NKPD1: variants seen among roughly 807,000 people sequenced by gnomAD.
NKPD1 encodes NTPase KAP family P-loop domain-containing protein 1.
NKPD1 carries 37 observed loss-of-function variants against 42.2 expected under a neutral mutation model. The ratio of observed to expected loss-of-function variants is 0.88; its 90% CI spans 0.67 to 1.15. The LOEUF is 1.15. NKPD1 is among the 50% of genes most tolerant of loss of function. NKPD1 has a pLI of 0.00. For missense variants in NKPD1, 1,113 were observed against 1,174.6 expected (o/e 0.95, Z 0.77); for synonymous variants, 552 against 536.5 (o/e 1.03, Z -0.40).
chr19:45,151,989 C>T lies in NKPD1; in HGVS notation c.2448G>A (p.Pro816=), dbSNP rs1282618589. ...GDLAHRGKLW[P]VACALFRPGQ... ...CTGGACGGAAGAGCGCACAGGCCAC[C>T]GGCCATAGCTTGCCCCTGTGGGCCA... Residue 816 remains proline, a synonymous_variant, in exon 5 of 5, where the codon CCG becomes CCA. Transcript: ENST00000686631. 13 of 1,605,912 alleles carry T rather than the reference C, an allele frequency of 8.1e-6. No individual in the cohort carries two copies. Among genetic ancestry groups the T allele is most frequent in the South Asian group, 5.5e-5 (5 of 90,618 alleles).
At chr19:45,161,053 T>C (rs1037946620), upstream of NKPD1, among the ~76,000 whole-genome samples, 12 of 152,118 alleles carry the variant, frequency 7.9e-5, no homozygotes, top group Non-Finnish European at 1.6e-4. Context: ...TGCCTGCCTG[T>C]CCCCGCCCCT....
At position 45,152,619 on chromosome 19, in the gene NKPD1, G is replaced by T; in HGVS notation, c.1818C>A (p.Asp606Glu). The T allele has an allele frequency of 6.3e-7, 1 of 1,576,020 alleles. No individual in the cohort carries two copies. The highest frequency in any genetic ancestry group is 8.5e-7 in the Non-Finnish European group (1 of 1,171,096). The part of the protein sequence containing the change: ...RIQEALFCLH[D>E]ERDCLYEYVP... ...CGTACTCGTAGAGGCAGTCGCGCTC[G>T]TCGTGAAGGCAGAAGAGCGCCTCCT... Residue 606 changes from aspartate (D) to glutamate (E), a missense_variant, in exon 5 of 5, where the codon GAC becomes GAA. By Grantham distance (45) the Asp-to-Glu change is conservative. Transcript: ENST00000686631.
chr19:45,159,358 G>A (rs1248855279), intron 2 of NKPD1, among the ~76,000 whole-genome samples: 1 of 152,204 alleles, frequency 6.6e-6, no homozygotes, highest in East Asian at 1.9e-4. Context: ...GACGCCTGAG[G>A]TTGGGGCTTC....
In NKPD1 at chr19:45,152,901, G is replaced by C. The variant is rs766631003; in HGVS notation, c.1536C>G (p.Ala512=). 75 of 1,581,714 alleles carry C rather than the reference G, an allele frequency of 4.7e-5. No homozygotes were observed. The highest frequency in any genetic ancestry group is 5.4e-5 in the African/African-American group (4 of 74,244). The change falls in exon 5 of 5, where the codon GCC becomes GCG. Residue 512 remains alanine, a synonymous_variant. Transcript: ENST00000686631. ...LESAGNMKGT[A]DNGYLFLNRT... Reference sequence around the variant, plus strand: ...GGTTGAGGAAGAGGTAGCCGTTATCGGCCGTGCCCTTCATGTTGCCCGCGC... The same window carrying C: ...GGTTGAGGAAGAGGTAGCCGTTATCCGCCGTGCCCTTCATGTTGCCCGCGC...
chr19:45,150,319 A>C lies in NKPD1; in HGVS notation c.*1619T>G, dbSNP rs1968755180. ...GTTGGCCAGGCTGATGCAGCTTCTT[A>C]CTGAGGCATGGGGGGCTTCAGTCCT... is the stretch of plus-strand genomic sequence containing the variant. On this transcript the variant is annotated 3_prime_UTR_variant, in exon 5 of 5. Coordinates refer to ENST00000686631, the MANE Select transcript of NKPD1 (RefSeq NM_198478.4). The C allele has an allele frequency of 6.6e-6, 1 of 152,012 alleles. No individual in the cohort carries two copies. 9.4% of individuals were successfully genotyped at this position (152,012 alleles called of 1,614,324 possible).
At chr19:45,156,062 CTG>C (rs1284242285) in intron 3 of NKPD1, 146 bp from the exon 4 acceptor site, 1 of 715,984 alleles carries the variant, frequency 1.4e-6, no homozygotes, top group Non-Finnish European at 2.0e-6. Flanking sequence ...GTGGAGGTTT[CTG>C]TGGCCATCAG....
Position 45,149,791 on chromosome 19 carries a change from G to C in NKPD1, c.*2147C>G, listed in dbSNP as rs1968748776. On this transcript the variant is annotated 3_prime_UTR_variant, in exon 5 of 5. Transcript: ENST00000686631. ...GTTTATTGTCACATGTGGATGTTCA[G>C]AGTGGCAGGCAGCTCTTCACCAAGT... is the stretch of plus-strand genomic sequence containing the variant. 1 of 152,200 alleles carries C rather than the reference G, an allele frequency of 6.6e-6. No individual in the cohort carries two copies. The highest frequency in any genetic ancestry group is 2.4e-5 in the African/African-American group (1 of 41,448). The allele number at this position is 152,200 out of a possible 1,614,324, so 9.4% of individuals were successfully genotyped here. A position where few individuals can be genotyped will look rare whatever the true frequency, so the allele number is the denominator to read the frequency against.
chr19:45,157,869 C>T (rs973481610), intron 3 of NKPD1, among the ~76,000 whole-genome samples: 4 of 151,906 alleles, frequency 2.6e-5, no homozygotes, highest in African/African-American at 7.3e-5. Flanking sequence ...GGATTACACG[C>T]GCCAGCCACC....
At position 45,152,274 on chromosome 19, in the gene NKPD1, G is replaced by C; in HGVS notation, c.2163C>G (p.Phe721Leu). Residue 721 changes from phenylalanine to leucine, a missense_variant, in exon 5 of 5, where the codon TTC (phenylalanine) becomes TTG (leucine). Physicochemically the swap from Phe to Leu is conservative, Grantham distance 22. This residue lies in a region of NKPD1 where 867 missense variants were observed against 870.1 expected (regional missense o/e 1.00). Coordinates refer to ENST00000686631, the MANE Select transcript of NKPD1 (RefSeq NM_198478.4). ...GGAAGTCGGCGCCCAGGAAGCGCTCGAAGAGCTCGGGGTCGCCGTCCAGGT... is the reference window on the plus strand; with the variant it reads ...GGAAGTCGGCGCCCAGGAAGCGCTCCAAGAGCTCGGGGTCGCCGTCCAGGT... ...VLDLDGDPELFERFLGADFPF... is the reference protein window; with the variant it reads ...VLDLDGDPELLERFLGADFPF... The C allele has an allele frequency of 6.2e-7, 1 of 1,610,232 alleles. No homozygotes were observed. Among genetic ancestry groups the C allele is most frequent in the South Asian group, 1.1e-5 (1 of 90,602 alleles).
rs1440140161 is a variant in NKPD1 at position 45,160,120 on chromosome 19, T to C, written c.31A>G (p.Lys11Glu). The C allele has an allele frequency of 7.7e-7, 1 of 1,305,090 alleles. No individual in the cohort carries two copies. The highest frequency in any genetic ancestry group is 1.2e-5 in the South Asian group (1 of 80,974). 80.8% of individuals were successfully genotyped at this position (1,305,090 alleles called of 1,614,324 possible). Residue 11 changes from lysine (K) to glutamate (E), a missense_variant, in exon 2 of 5, where the codon AAG becomes GAG. Transcript: ENST00000686631. MHKHYKVHFA[K>E]DAQSPNGHYF... ...TGCCCGTTGGGGCTCTGGGCATCCT[T>C]GGCGAAGTGGACTTTGTAATGTTTG...
In NKPD1 at chr19:45,155,928, G is replaced by C. The variant is rs770383290; in HGVS notation, c.530-12C>G. On this transcript the variant is annotated splice_polypyrimidine_tract_variant and intron_variant, in intron 3 of 4. Coordinates refer to ENST00000686631, the MANE Select transcript of NKPD1 (RefSeq NM_198478.4). ...CTCTGTCAGGATGTCTGGTGGTTGG[G>C]AGTGGGGACACTGAGTCAGGACCAC... 7 of 1,303,214 alleles carry C rather than the reference G, an allele frequency of 5.4e-6. No homozygotes were observed. Among genetic ancestry groups the C allele is most frequent in the Non-Finnish European group, 6.1e-6 (6 of 987,258 alleles). The allele number at this position is 1,303,214 out of a possible 1,614,324, so 80.7% of individuals were successfully genotyped here. A position where few individuals can be genotyped will look rare whatever the true frequency, so the allele number is the denominator to read the frequency against.
upstream of NKPD1, among the ~76,000 whole-genome samples, chr19:45,162,666 C>T (rs927588503): frequency 6.6e-6 from 1 of 152,218 alleles, no homozygotes; most frequent in African/African-American, 2.4e-5. Context: ...GCACTCCCAG[C>T]CCTGCTCCCC....
chr19:45,151,829 C>T lies in NKPD1; in HGVS notation c.*109G>A. On this transcript the variant is annotated 3_prime_UTR_variant, in exon 5 of 5. Transcript: ENST00000686631. ...CTCAGGTTCACCTGGGGGTGTGGGC[C>T]TCACAGGGCTCATTCGGACCCTGGG... 3 of 1,224,668 alleles carry T rather than the reference C, an allele frequency of 2.4e-6. No individual in the cohort carries two copies. The highest frequency in any genetic ancestry group is 3.3e-6 in the Non-Finnish European group (3 of 912,724). 75.9% of individuals were successfully genotyped at this position (1,224,668 alleles called of 1,614,324 possible).
rs1968978197 is a variant in NKPD1, at chr19:45,160,086, CAGA to C, written c.62_64del (p.Phe21del). ...TTTTCGGTGCCCCAACTCTGGGTCC[CAGA>C]AGTAGTGCCCGTTGGGGCTCTGGGC... On this transcript the variant is annotated inframe_deletion, in exon 2 of 5. Coordinates refer to ENST00000686631, the MANE Select transcript of NKPD1 (RefSeq NM_198478.4). The C allele has an allele frequency of 1.5e-6, 2 of 1,304,646 alleles. No homozygotes were observed. The highest frequency in any genetic ancestry group is 2.0e-6 in the Non-Finnish European group (2 of 988,560). 80.8% of individuals were successfully genotyped at this position (1,304,646 alleles called of 1,614,324 possible).
rs887363440 is a variant in NKPD1 at position 45,151,346 on chromosome 19, C to G, written c.*592G>C. 1 of 152,296 alleles carries G rather than the reference C, an allele frequency of 6.6e-6. No homozygotes were observed. The highest frequency in any genetic ancestry group is 2.4e-5 in the African/African-American group (1 of 41,434). The allele number at this position is 152,296 out of a possible 1,614,324, so 9.4% of individuals were successfully genotyped here. A position where few individuals can be genotyped will look rare whatever the true frequency, so the allele number is the denominator to read the frequency against. On this transcript the variant is annotated 3_prime_UTR_variant, in exon 5 of 5. Transcript: ENST00000686631. Reference sequence around the variant, plus strand: ...CCATTACGTTGAGAATGGAGCCACCCTAGGGGTGGAGCAGCTTGCTGAGGT... The same window carrying G: ...CCATTACGTTGAGAATGGAGCCACCGTAGGGGTGGAGCAGCTTGCTGAGGT...
At position 45,152,087 on chromosome 19, in the gene NKPD1, T is replaced by G; in HGVS notation, c.2350A>C (p.Asn784His). 1 of 1,606,826 alleles carries G rather than the reference T, an allele frequency of 6.2e-7. No homozygotes were observed. Among genetic ancestry groups the G allele is most frequent in the Non-Finnish European group, 8.5e-7 (1 of 1,177,522 alleles). ...GACGGGGGCGCCCTGGAGGCGCTGT[T>G]GGCCCGGTGGGCAGCGTGGGGGGTA... ...RDTPHAAHRA[N>H]SASRAPPSGR... Residue 784 changes from asparagine to histidine, a missense_variant, in exon 5 of 5, where the codon AAC becomes CAC. Asn to His is a moderately conservative substitution (Grantham distance 68, BLOSUM62 1). Around this residue, in one of 3 missense-constraint regions of NKPD1, gnomAD observed 867 missense variants for 870.1 expected, o/e 1.00. Transcript: ENST00000686631.
Position 45,152,259 on chromosome 19 carries a change from G to T in NKPD1, c.2178C>A (p.Gly726=). The T allele has an allele frequency of 6.2e-7, 1 of 1,609,004 alleles. No homozygotes were observed. Among genetic ancestry groups the T allele is most frequent in the Non-Finnish European group, 8.5e-7 (1 of 1,178,392 alleles). Residue 726 remains glycine, a synonymous_variant, in exon 5 of 5, where the codon GGC becomes GGA. Coordinates refer to ENST00000686631, the MANE Select transcript of NKPD1 (RefSeq NM_198478.4). ...CGGCCACGGTGAAGGGGAAGTCGGC[G>T]CCCAGGAAGCGCTCGAAGAGCTCGG... ...GDPELFERFL[G]ADFPFTVAEA...
At chr19:45,153,862 GAGAGGCGAGGGGCGCCCAGC>G (rs991593028) in intron 4 of NKPD1, 87 bp from the exon 5 acceptor site, 22 of 1,312,312 alleles carry the variant, frequency 1.7e-5, no homozygotes, top group Non-Finnish European at 2.0e-5. Context: ...AGCGCTCCTG[GAGAGGCGAGGGGCGCCCAGC>G]AGAGGCGAGG....
Position 45,160,060 on chromosome 19 carries a change from C to T in NKPD1, c.91G>A (p.Gly31Arg). Residue 31 changes from glycine to arginine, a missense_variant and splice_region_variant, in exon 2 of 5, where the codon GGA becomes AGA. By Grantham distance (125) the Gly-to-Arg change is moderately radical. Around this residue, in one of 3 missense-constraint regions of NKPD1, gnomAD observed 204 missense variants for 227.8 expected, o/e 0.90. Transcript: ENST00000686631. ...ACCCGCCCCCAAACTGAACCCGTAC[C>T]TTTTCGGTGCCCCAACTCTGGGTCC... ...FWDPELGHRK[G>R]CCHQWRQDSA... 1 of 1,303,532 alleles carries T rather than the reference C, an allele frequency of 7.7e-7. No homozygotes were observed. Among genetic ancestry groups the T allele is most frequent in the African/African-American group, 1.5e-5 (1 of 65,956 alleles). 80.7% of individuals were successfully genotyped at this position (1,303,532 alleles called of 1,614,324 possible). A position where few individuals can be genotyped will look rare whatever the true frequency, so the allele number is the denominator to read the frequency against.
Sources: gnomAD v4.1 joint callset for allele counts (sites outside exome capture counted in the v4.1 genomes callset) on GRCh38, gnomAD v4.1.1 for gene constraint, gnomAD v4.1.1 regional missense constraint, MANE v1.5 for transcripts, NCBI Gene and HGNC (gene_info 2026-07-23, HGNC 2026-07-21) for gene names.